The following AOPEP variants were observed in gnomAD, a reference collection of about 807,000 sequenced individuals.
The protein encoded by AOPEP is aminopeptidase O (putative).
AOPEP carries 77 observed loss-of-function variants against 98.1 expected under a neutral mutation model. The observed-to-expected ratio is 0.78, with a 90% CI of 0.65 to 0.95. AOPEP has a LOEUF of 0.95. Ranked by LOEUF, AOPEP falls within the 40% of genes least tolerant of loss-of-function variation. The probability of loss-of-function intolerance (pLI) is 0.00; values close to 1 mark genes in which losing one functional copy is unlikely to be tolerated. For missense variants in AOPEP, 1,024 were observed against 1,024.7 expected, an observed-to-expected ratio of 1.00 and a Z score of 0.01; for synonymous variants, 346 against 365.3, an observed-to-expected ratio of 0.95 and a Z score of 0.60.
At chr9:95,051,195 T>C (rs1305642630) in intron 13 of AOPEP, among the ~76,000 whole-genome samples, 1 of 151,678 alleles carries the variant, frequency 6.6e-6, no homozygotes, top group Non-Finnish European at 1.5e-5. Flanking sequence ...GTTCGAGTGA[T>C]TCTTCTGCCT....
At chr9:94,775,486 C>A (rs1841891422) in intron 3 of AOPEP, among the ~76,000 whole-genome samples, 1 of 151,878 alleles carries the variant, frequency 6.6e-6, no homozygotes, top group African/African-American at 2.4e-5. Flanking sequence ...TCTGTCTCGG[C>A]CTCCCCAGTA....
At chr9:94,792,982 C>G (rs938873477) in intron 4 of AOPEP, 64 bp downstream of exon 4, 33 of 1,492,080 alleles carry the variant, frequency 2.2e-5, no homozygotes, top group Middle Eastern at 1.8e-4. Context: ...CGGTATGATG[C>G]ATTTCTTCCA....
At chr9:94,837,013 A>G (rs561410058) in intron 5 of AOPEP, among the ~76,000 whole-genome samples, 1 of 152,308 alleles carries the variant, frequency 6.6e-6, no homozygotes, top group South Asian at 2.1e-4. Context: ...ACCATTAGCA[A>G]GATTAACCAA....
At chr9:94,740,084 A>G (rs994685489) in intron 1 of AOPEP, among the ~76,000 whole-genome samples, 1 of 152,148 alleles carries the variant, frequency 6.6e-6, no homozygotes, top group Non-Finnish European at 1.5e-5. Flanking sequence ...CCATATGAGG[A>G]AGCACCGGGA....
intron 1 of AOPEP, among the ~76,000 whole-genome samples, chr9:94,744,825 G>A (rs1834098676): frequency 6.6e-6 from 1 of 151,684 alleles, no homozygotes; most frequent in East Asian, 1.9e-4. Context: ...TACAGATACA[G>A]TGCTTTAAGT....
At chr9:95,088,652 C>G (rs1042942960), downstream of AOPEP, among the ~76,000 whole-genome samples, 3 of 152,236 alleles carry the variant, frequency 2.0e-5, no homozygotes, top group African/African-American at 7.2e-5. Context: ...CTGGAGCTCT[C>G]AAGAGCTGCG....
intron 9 of AOPEP, among the ~76,000 whole-genome samples, chr9:94,961,322 T>A (rs566272111): frequency 6.6e-6 from 1 of 152,342 alleles, no homozygotes; most frequent in South Asian, 2.1e-4. Context: ...TTTTTATTTT[T>A]AGTCCTAGAT....
At chr9:94,761,049 T>G (rs901856690) in intron 2 of AOPEP, among the ~76,000 whole-genome samples, 3 of 152,194 alleles carry the variant, frequency 2.0e-5, no homozygotes, top group African/African-American at 7.2e-5. Flanking sequence ...GTGCCTTCCT[T>G]ACCGTACTTG....
intron 5 of AOPEP, among the ~76,000 whole-genome samples, chr9:94,895,630 C>T (rs1272659559): frequency 1.3e-5 from 2 of 151,724 alleles, no homozygotes; most frequent in Non-Finnish European, 2.9e-5. Flanking sequence ...CCTCTGTCAC[C>T]CAGGTTGGAG....
At chr9:95,114,891 G>A in the AOPEP span, among the ~76,000 whole-genome samples, 1 of 152,146 alleles carries the variant, frequency 6.6e-6, no homozygotes, top group African/African-American at 2.4e-5. Flanking sequence ...GGGGAAGTAA[G>A]ATCTGTCCAT....
the AOPEP span, chr9:95,107,459 T>C: frequency 3.0e-6 from 2 of 660,588 alleles, no homozygotes; most frequent in Non-Finnish European, 5.3e-6. Flanking sequence ...GGAAATTTCT[T>C]GACTTTCTTT....
downstream of AOPEP, among the ~76,000 whole-genome samples, chr9:95,088,589 G>A (rs2070821021): frequency 6.6e-6 from 1 of 152,120 alleles, no homozygotes; most frequent in Non-Finnish European, 1.5e-5. Flanking sequence ...TGGGAGTACC[G>A]GCCGCACTGC....
At chr9:94,851,248 G>A (rs373451930) in intron 5 of AOPEP, among the ~76,000 whole-genome samples, 1 of 152,258 alleles carries the variant, frequency 6.6e-6, no homozygotes, top group South Asian at 2.1e-4. Context: ...AAGGGTGACC[G>A]GTATGCTGAG....
chr9:95,015,493 CA>C (rs2062901226), intron 13 of AOPEP, among the ~76,000 whole-genome samples: 1 of 152,102 alleles, frequency 6.6e-6, no homozygotes, highest in Non-Finnish European at 1.5e-5. Flanking sequence ...TCACAACGTA[CA>C]AAACCCTGAG....
At chr9:95,057,718 T>C (rs1242655778) in intron 13 of AOPEP, among the ~76,000 whole-genome samples, 1 of 152,242 alleles carries the variant, frequency 6.6e-6, no homozygotes, top group Non-Finnish European at 1.5e-5. Context: ...TGATTTTTTT[T>C]CCCTACTTTT....
chr9:95,115,010 G>A, the AOPEP span, among the ~76,000 whole-genome samples: 1 of 152,162 alleles, frequency 6.6e-6, no homozygotes. Flanking sequence ...GTACGATCCT[G>A]GTTCACTGCA....
chr9:95,104,952 C>G, the AOPEP span, among the ~76,000 whole-genome samples: 1 of 152,190 alleles, frequency 6.6e-6, no homozygotes, highest in Non-Finnish European at 1.5e-5. Context: ...ATTTGTCTCT[C>G]GCGTCTGGCT....
At position 94,972,823 on chromosome 9, in the gene AOPEP, C is replaced by T. The variant is rs560968135; in HGVS notation, c.1916+5022C>T. On this transcript the variant is annotated intron_variant, in intron 10 of 16. Transcript: ENST00000375315. This position sits in a 1 kb window ranked among gnomAD's most constrained non-coding sequence, Gnocchi z 4.2. Reference sequence around the variant, plus strand: ...GCATGGTGGTACGTGTCTGTAGTCTCAGCTACTCGGGAGGCTGAGGTGGGA... The same window carrying T: ...GCATGGTGGTACGTGTCTGTAGTCTTAGCTACTCGGGAGGCTGAGGTGGGA... Among the ~76,000 whole-genome samples, 8 of 152,134 alleles carry T rather than the reference C, an allele frequency of 5.3e-5. No individual in the cohort carries two copies. In the East Asian group the frequency reaches 1.4e-3, roughly 26 times the overall value.
At chr9:94,818,799 C>A (rs1852279624) in intron 5 of AOPEP, among the ~76,000 whole-genome samples, 1 of 152,152 alleles carries the variant, frequency 6.6e-6, no homozygotes, top group Non-Finnish European at 1.5e-5. Context: ...TCGAGACCAT[C>A]CTGGCTAACA....
Sources: allele counts gnomAD v4.1 joint callset (sites outside exome capture counted in the v4.1 genomes callset), GRCh38; gene constraint gnomAD v4.1.1; non-coding constraint Gnocchi (gnomAD v3.1); transcripts MANE v1.5; gene names NCBI Gene and HGNC (gene_info 2026-07-23, HGNC 2026-07-21).